Variants in FYCO1 observed in about 807,000 individuals in gnomAD.
FYCO1 encodes FYVE and coiled-coil domain-containing protein 1.
In FYCO1, 122 loss-of-function variants were observed where a neutral mutation model predicts 165.1. The observed-to-expected ratio is 0.74, with a 90% CI of 0.64 to 0.86. The LOEUF is 0.86. Ranked by LOEUF, FYCO1 falls within the 40% of genes least tolerant of loss-of-function variation. FYCO1 has a pLI of 0.00. For missense variants in FYCO1, 1,702 were observed against 1,810.3 expected, an observed-to-expected ratio of 0.94 and a Z score of 1.09; for synonymous variants, 648 against 742.5, an observed-to-expected ratio of 0.87 and a Z score of 2.07.
intron 14 of FYCO1, among the ~76,000 whole-genome samples, chr3:45,949,029 C>T (rs571837699): frequency 4.9e-4 from 75 of 152,266 alleles, no homozygotes; most frequent in African/African-American, 1.7e-3. Context: ...AAAATGGAAG[C>T]CCTCCATGTC....
intron 14 of FYCO1, among the ~76,000 whole-genome samples, chr3:45,943,730 T>C (rs369064798): frequency 6.6e-6 from 1 of 152,174 alleles, no homozygotes; most frequent in East Asian, 1.9e-4. Flanking sequence ...TGGAGAAACA[T>C]GAAAACTACT....
rs1706222952 is a variant in FYCO1 at position 45,968,371 on chromosome 3, G to A, written c.963C>T (p.Gly321=). 2 of 1,613,554 alleles carry A rather than the reference G, an allele frequency of 1.2e-6. No homozygotes were observed. Among genetic ancestry groups the A allele is most frequent in the African/African-American group, 2.7e-5 (2 of 75,038 alleles). ...CCTTCTCTGCTGCTCCTAGCTCCAG[G>A]CCCTGCAGGCATGTCTGCAGCTCCT... ...TVKELQTCLQ[G]LELGAAEKEE... is the part of the protein sequence containing the mutation. Residue 321 remains glycine, a synonymous_variant, in exon 8 of 18, where the codon GGC becomes GGT. Transcript: ENST00000296137.
chr3:45,991,415 C>T (rs1035968931), intron 1 of FYCO1, among the ~76,000 whole-genome samples: 1 of 152,170 alleles, frequency 6.6e-6, no homozygotes, highest in Middle Eastern at 3.2e-3. Context: ...TACAGATGGG[C>T]TGCCTGACCT....
rs538689578 is a variant in FYCO1 at position 45,936,530 on chromosome 3, T to C, written c.3958A>G (p.Thr1320Ala). ...PNAAEQDTTS[T>A]SLTPEDTEDM... is the part of the protein sequence containing the mutation. ...TCAGTGTCCTCAGGCGTTAGCGAGG[T>C]TGATGTAGTATCCCTGAAATGTCAC... The change falls in exon 15 of 18, where the codon ACC becomes GCC. Residue 1320 changes from threonine (T) to alanine (A), a missense_variant. Thr to Ala is a moderately conservative substitution (Grantham distance 58, BLOSUM62 0). Coordinates refer to ENST00000296137, the MANE Select transcript of FYCO1 (RefSeq NM_024513.4). 3.7e-6 allele frequency: 6 copies of C among 1,611,682 alleles called. No homozygotes were observed. The Admixed American group carries it at 5.0e-5, about 13-fold the overall frequency.
intron 12 of FYCO1, 56 bp downstream of exon 12, chr3:45,959,337 C>T: frequency 6.3e-7 from 1 of 1,598,652 alleles, no homozygotes; most frequent in Admixed American, 1.7e-5. Context: ...GAGCTGTCTG[C>T]TCTGGTCCTG....
Position 45,972,466 on chromosome 3 carries a change from C to T in FYCO1, c.539+622G>A, listed in dbSNP as rs1197630644. 3.9e-5 allele frequency among the ~76,000 whole-genome samples: 6 copies of T among 152,242 alleles called. No homozygotes were observed. In the South Asian group the frequency reaches 6.2e-4, roughly 16 times the overall value. On this transcript the variant is annotated intron_variant, in intron 6 of 17. Transcript: ENST00000296137. Reference sequence around the variant, plus strand: ...AGAAAGCAAAACAAAACAAAGAACACTGGACTTGATTTTAACCCAAGTCAG... The same window carrying T: ...AGAAAGCAAAACAAAACAAAGAACATTGGACTTGATTTTAACCCAAGTCAG...
Position 45,969,664 on chromosome 3 carries a change from C to T in FYCO1, c.630+11G>A, listed in dbSNP as rs576684539. On this transcript the variant is annotated intron_variant, in intron 7 of 17. Transcript: ENST00000296137. ...CTATAGGAAGATAATTCCCAGCCTT[C>T]CTGGCCTTACCTGCAGGTAGCTGCT... 3.4e-5 allele frequency: 55 copies of T among 1,610,746 alleles called. 2 individuals are homozygous for T. The South Asian group carries it at 5.9e-4, about 17-fold the overall frequency.
intron 15 of FYCO1, among the ~76,000 whole-genome samples, chr3:45,931,664 G>A (rs1427342362): frequency 2.6e-5 from 4 of 152,214 alleles, no homozygotes; most frequent in Non-Finnish European, 4.4e-5. Context: ...AAGATGCCCT[G>A]CTGCTCAGCC....
intron 14 of FYCO1, chr3:45,947,086 T>G: frequency 6.2e-7 from 1 of 1,614,242 alleles, no homozygotes; most frequent in Non-Finnish European, 8.5e-7. Context: ...GGGTTCTTCT[T>G]GCCACTGCTC....
At chr3:45,982,089 G>C (rs1707088795) in intron 2 of FYCO1, among the ~76,000 whole-genome samples, 1 of 152,178 alleles carries the variant, frequency 6.6e-6, no homozygotes, top group Non-Finnish European at 1.5e-5. Context: ...GGTAAGCGCA[G>C]GATCAGAATA....
intron 1 of FYCO1, among the ~76,000 whole-genome samples, chr3:45,987,940 GT>G (rs1707383775): frequency 6.6e-6 from 1 of 152,186 alleles, no homozygotes; most frequent in Non-Finnish European, 1.5e-5. Flanking sequence ...AGACTTCTTG[GT>G]GCTTTGGTGA....
At chr3:45,937,566 T>C (rs114403669) in intron 14 of FYCO1, among the ~76,000 whole-genome samples, 247 of 152,350 alleles carry the variant, frequency 1.6e-3, no homozygotes, top group African/African-American at 5.6e-3. Context: ...TGGGTTCTGA[T>C]GGCTTGAAAA....
intron 11 of FYCO1, among the ~76,000 whole-genome samples, chr3:45,961,615 G>A (rs1471298128): frequency 6.6e-6 from 1 of 151,930 alleles, no homozygotes; most frequent in Non-Finnish European, 1.5e-5. Flanking sequence ...AAATAAAAGA[G>A]TCCTTACCTT....
chr3:45,987,708 ACACTT>A (rs567158595), intron 1 of FYCO1, among the ~76,000 whole-genome samples: 69 of 152,310 alleles, frequency 4.5e-4, no homozygotes, highest in African/African-American at 1.6e-3. Flanking sequence ...GTCTGTGTGT[ACACTT>A]CTGACCATGT....
In FYCO1 at chr3:45,968,003, C is replaced by T. The variant is rs764963146; in HGVS notation, c.1331G>A (p.Ser444Asn). The T allele has an allele frequency of 1.9e-6, 3 of 1,614,170 alleles. No homozygotes were observed. The highest frequency in any genetic ancestry group is 1.7e-6 in the Non-Finnish European group (2 of 1,180,022). The change falls in exon 8 of 18, where the codon AGC becomes AAC. Residue 444 changes from serine to asparagine, a missense_variant. Coordinates refer to ENST00000296137, the MANE Select transcript of FYCO1 (RefSeq NM_024513.4). ...CATCTCCTTCACCAGGCGCTCCAGG[C>T]TGGCCCGGGCATCCTCTTTCAGCTG... ...ELQLKEDARA[S>N]LERLVKEMAP...
At position 45,967,339 on chromosome 3, in the gene FYCO1, G is replaced by A. The variant is rs370827126; in HGVS notation, c.1995C>T (p.Ala665=). 10 of 1,609,160 alleles carry A rather than the reference G, an allele frequency of 6.2e-6. No individual in the cohort carries two copies. In the African/African-American group the frequency reaches 9.4e-5, roughly 15 times the overall value. ...AIQGSLASLE[A]EQASIRHLGD... ...CCAAGTGCCGGATGCTGGCCTGCTC[G>A]GCCTCCAGGGAGGCCAAGGAGCCCT... The change falls in exon 8 of 18, where the codon GCC becomes GCT. Residue 665 remains alanine (A), a synonymous_variant. Coordinates refer to ENST00000296137, the MANE Select transcript of FYCO1 (RefSeq NM_024513.4).
chr3:45,972,850 C>T (rs749754545), intron 6 of FYCO1, among the ~76,000 whole-genome samples: 2 of 152,152 alleles, frequency 1.3e-5, no homozygotes, highest in Non-Finnish European at 2.9e-5. Flanking sequence ...TTGGCTTTTG[C>T]AATACACATC....
At chr3:45,987,743 T>C (rs1490263035) in intron 1 of FYCO1, among the ~76,000 whole-genome samples, 2 of 152,078 alleles carry the variant, frequency 1.3e-5, no homozygotes, top group African/African-American at 2.4e-5. Flanking sequence ...GGGTGGAGCT[T>C]GGGAAGGAGG....
At chr3:45,933,192 A>G (rs1575331156) in intron 15 of FYCO1, among the ~76,000 whole-genome samples, 1 of 152,350 alleles carries the variant, frequency 6.6e-6, no homozygotes, top group Non-Finnish European at 1.5e-5. Flanking sequence ...GGCTCATGTC[A>G]CAGATGTGAA....
Sources: gnomAD v4.1 joint callset for allele counts (sites outside exome capture counted in the v4.1 genomes callset) on GRCh38, gnomAD v4.1.1 for gene constraint, MANE v1.5 for transcripts, NCBI Gene and HGNC (gene_info 2026-07-23, HGNC 2026-07-21) for gene names.